TOX2: variants seen among roughly 807,000 people sequenced by gnomAD.
TOX2 encodes the protein TOX high mobility group box family member 2.
Under a neutral mutation model 47.4 loss-of-function variants are expected in TOX2, and 15 were observed. That is an observed-to-expected ratio of 0.32 (90% confidence interval 0.21 to 0.49). The LOEUF (loss-of-function observed/expected upper bound fraction) is 0.49. Ranked by LOEUF, TOX2 falls within the 20% of genes least tolerant of loss-of-function variation. TOX2 has a pLI of 0.99. For missense variants in TOX2, 622 were observed against 673.1 expected, an observed-to-expected ratio of 0.92 and a Z score of 0.84; for synonymous variants, 290 against 296.6, an observed-to-expected ratio of 0.98 and a Z score of 0.23.
In TOX2 at chr20:43,952,661, G is replaced by A. The variant is rs572446437; in HGVS notation, c.100-20706G>A. Among the ~76,000 whole-genome samples the A allele has an allele frequency of 5.9e-5, 9 of 152,282 alleles. 1 individual carries two copies. Among genetic ancestry groups the A allele is most frequent in the Middle Eastern group, 3.4e-3 (1 of 294 alleles). On this transcript the variant is annotated intron_variant, in intron 1 of 8. Transcript: ENST00000341197. ...CGCATAGCTCCAATAAATGGTAAGGGGAGCCTGAGGTGTAGTGTCCTATGT... is the reference window on the plus strand; with the variant it reads ...CGCATAGCTCCAATAAATGGTAAGGAGAGCCTGAGGTGTAGTGTCCTATGT...
chr20:44,067,389 C>G (rs1369796414), intron 8 of TOX2, among the ~76,000 whole-genome samples: 1 of 152,166 alleles, frequency 6.6e-6, no homozygotes, highest in African/African-American at 2.4e-5. Flanking sequence ...AGGGAACTGG[C>G]TTTTTGAACC....
chr20:43,987,070 A>C (rs528197725), intron 2 of TOX2, among the ~76,000 whole-genome samples: 13 of 152,272 alleles, frequency 8.5e-5, no homozygotes, highest in African/African-American at 2.4e-4. Context: ...TCTTAAAAAA[A>C]AGTTTATAGG....
At chr20:43,952,996 GA>G (rs1312689401) in intron 1 of TOX2, among the ~76,000 whole-genome samples, 2 of 152,122 alleles carry the variant, frequency 1.3e-5, no homozygotes, top group Non-Finnish European at 2.9e-5. Context: ...TATAAGTGAG[GA>G]GGGGTTGCAG....
chr20:43,962,400 T>C (rs759963661), intron 1 of TOX2, among the ~76,000 whole-genome samples: 1 of 152,160 alleles, frequency 6.6e-6, no homozygotes, highest in African/African-American at 2.4e-5. Flanking sequence ...CAGCCAACTG[T>C]GAGGGGCTGA....
chr20:44,055,630 T>A (rs1018615470), intron 5 of TOX2, among the ~76,000 whole-genome samples: 7 of 152,114 alleles, frequency 4.6e-5, no homozygotes, highest in African/African-American at 1.7e-4. Flanking sequence ...AAGAGTTTTA[T>A]GTAGAGGAGA....
At chr20:43,935,852 A>G (rs1362696256) in intron 1 of TOX2, among the ~76,000 whole-genome samples, 1 of 142,126 alleles carries the variant, frequency 7.0e-6, no homozygotes, top group African/African-American at 2.6e-5. Flanking sequence ...GCTTGAACCC[A>G]GGAGGAGGAG....
chr20:43,958,711 T>C (rs1569035089), intron 1 of TOX2, among the ~76,000 whole-genome samples: 7 of 152,216 alleles, frequency 4.6e-5, no homozygotes. Flanking sequence ...CTTTTGACAG[T>C]AACTGGGCTA....
At chr20:43,997,593 C>CA (rs1178144267) in intron 2 of TOX2, among the ~76,000 whole-genome samples, 2 of 151,570 alleles carry the variant, frequency 1.3e-5, no homozygotes, top group African/African-American at 2.4e-5. Flanking sequence ...TTAGCCTTTT[C>CA]AAAAAAACAA....
rs183850811 is a variant in TOX2, at chr20:44,002,445, A to G, written c.166-4102A>G. On this transcript the variant is annotated intron_variant, in intron 2 of 8. Transcript: ENST00000341197. ...GCTGACATCACTCACTGTGTGCTCA[A>G]CATTGCCCTGAGAAACTTACATGTT... is the stretch of plus-strand genomic sequence containing the variant. Among the ~76,000 whole-genome samples the G allele has an allele frequency of 3.0e-3, 461 of 152,354 alleles. 1 individual carries two copies. Among genetic ancestry groups the G allele is most frequent in the Non-Finnish European group, 5.3e-3 (359 of 68,026 alleles).
At chr20:44,026,250 G>GT (rs2071066125) in intron 3 of TOX2, among the ~76,000 whole-genome samples, 1 of 82,952 alleles carries the variant, frequency 1.2e-5, no homozygotes, top group East Asian at 3.9e-4. Context: ...TATATATATA[G>GT]ACACACACAC....
At chr20:44,061,860 TAAACAGAATTTA>T (rs1250289958) in intron 5 of TOX2, among the ~76,000 whole-genome samples, 3 of 152,052 alleles carry the variant, frequency 2.0e-5, no homozygotes, top group Non-Finnish European at 4.4e-5. Flanking sequence ...ATATACCACA[TAAACAGAATTTA>T]AAACCACATG....
rs1224310693 is a variant in TOX2, at chr20:44,066,921, G to A, written c.1484+64G>A. Reference sequence around the variant, plus strand: ...AGGGAGAGTGGGAACAGGATGGCCAGGGATGGGAGAATGGCCAAGGGCAAC... The same window carrying A: ...AGGGAGAGTGGGAACAGGATGGCCAAGGATGGGAGAATGGCCAAGGGCAAC... On this transcript the variant is annotated intron_variant, in intron 8 of 8. Transcript: ENST00000341197. 5.8e-6 allele frequency: 9 copies of A among 1,564,926 alleles called. No homozygotes were observed. In the African/African-American group the frequency reaches 1.1e-4, roughly 19 times the overall value.
chr20:43,960,606 A>G (rs1468317151), intron 1 of TOX2, among the ~76,000 whole-genome samples: 1 of 152,206 alleles, frequency 6.6e-6, no homozygotes, highest in Non-Finnish European at 1.5e-5. Flanking sequence ...TTGTCTGTAG[A>G]TTTCACACTC....
chr20:43,943,055 C>CT (rs1201290288), intron 1 of TOX2, among the ~76,000 whole-genome samples: 3 of 152,100 alleles, frequency 2.0e-5, no homozygotes, highest in Non-Finnish European at 4.4e-5. Flanking sequence ...ACCTGGAATC[C>CT]GGTCTCACAG....
chr20:43,955,837 C>T (rs1379965212), intron 1 of TOX2, among the ~76,000 whole-genome samples: 2 of 152,118 alleles, frequency 1.3e-5, no homozygotes, highest in African/African-American at 4.8e-5. Context: ...TGCTCAGACT[C>T]CCGTTTCCCC....
chr20:44,050,471 G>A lies in TOX2; in HGVS notation c.412-835G>A, dbSNP rs142911118. Among the ~76,000 whole-genome samples the A allele has an allele frequency of 3.2e-3, 484 of 152,272 alleles. 3 individuals are homozygous for A. Among genetic ancestry groups the A allele is most frequent in the African/African-American group, 0.011 (453 of 41,572 alleles). On this transcript the variant is annotated intron_variant, in intron 3 of 8. Transcript: ENST00000341197. The stretch of plus-strand genomic sequence containing the variant: ...GCAAATAAATAACCACAGATGCAGA[G>A]GAAATAAAAATCGTAAGAGTATGCA...
chr20:43,931,917 C>G (rs1167174543), intron 1 of TOX2, among the ~76,000 whole-genome samples: 1 of 152,156 alleles, frequency 6.6e-6, no homozygotes, highest in African/African-American at 2.4e-5. Context: ...TATTTTAGCC[C>G]CTATTGGGCA....
chr20:44,001,097 C>T (rs1547002), intron 2 of TOX2, among the ~76,000 whole-genome samples: 100,205 of 151,932 alleles, frequency 0.66, 33,429 homozygotes, highest in African/African-American at 0.74. Context: ...ATATTTTTAA[C>T]TGGCAAAGCT....
chr20:44,047,431 T>C (rs1209385101), intron 3 of TOX2, among the ~76,000 whole-genome samples: 1 of 152,320 alleles, frequency 6.6e-6, no homozygotes, highest in East Asian at 1.9e-4. Context: ...AAGTCAACAT[T>C]AATAGAGAAG....
Sources: allele counts gnomAD v4.1 joint callset (sites outside exome capture counted in the v4.1 genomes callset), GRCh38; gene constraint gnomAD v4.1.1; transcripts MANE v1.5; gene names NCBI Gene and HGNC (gene_info 2026-07-23, HGNC 2026-07-21).